Variants in MYLK4 observed in about 807,000 individuals in gnomAD.
The protein encoded by MYLK4 is caMLCK like.
MYLK4 carries 46 observed loss-of-function variants against 48.1 expected under a neutral mutation model. The ratio of observed to expected loss-of-function variants is 0.96; its 90% CI spans 0.75 to 1.22. The LOEUF (loss-of-function observed/expected upper bound fraction) is 1.22, where lower values mean the gene tolerates loss of function less well. Among genes scored for constraint, MYLK4 ranks in the 50% most tolerant of loss-of-function variants. MYLK4 has a pLI of 0.00. For synonymous variants in MYLK4, 170 were observed against 180.8 expected (o/e 0.94, Z 0.48); for missense variants, 451 against 486.1 (o/e 0.93, Z 0.68).
chr6:2,680,870 G>T (rs1235111772), intron 7 of MYLK4, among the ~76,000 whole-genome samples: 1 of 152,162 alleles, frequency 6.6e-6, no homozygotes, highest in Non-Finnish European at 1.5e-5. Context: ...GTTTTGCTGA[G>T]TTTGGTCTCA....
At chr6:2,711,505 T>C (rs1259958625) in intron 2 of MYLK4, among the ~76,000 whole-genome samples, 1 of 152,230 alleles carries the variant, frequency 6.6e-6, no homozygotes, top group Non-Finnish European at 1.5e-5. Flanking sequence ...TGCCTATGGC[T>C]CAATAAAGAT....
chr6:2,762,935 A>C, the MYLK4 span, among the ~76,000 whole-genome samples: 5 of 152,320 alleles, frequency 3.3e-5, no homozygotes, highest in East Asian at 7.7e-4. Context: ...CCACTCATTA[A>C]GACAATTCAG....
In MYLK4 at chr6:2,703,762, C is replaced by T. The variant is rs552103172; in HGVS notation, c.160-10903G>A. Reference sequence around the variant, plus strand: ...TTCGGCTCACTGCAAACTCCGCCTCCGGGGTTCAAGCGATTCTCCTGCCTC... The same window carrying T: ...TTCGGCTCACTGCAAACTCCGCCTCTGGGGTTCAAGCGATTCTCCTGCCTC... On this transcript the variant is annotated intron_variant, in intron 2 of 12. Transcript: ENST00000274643. 1.2e-3 allele frequency among the ~76,000 whole-genome samples: 184 copies of T among 150,986 alleles called. 2 individuals carry two copies. The highest frequency in any genetic ancestry group is 4.1e-3 in the African/African-American group (170 of 41,094).
chr6:2,686,392 A>G (rs11970211), intron 4 of MYLK4, among the ~76,000 whole-genome samples: 1 of 152,252 alleles, frequency 6.6e-6, no homozygotes, highest in African/African-American at 2.4e-5. Context: ...TCAAGACTGC[A>G]TATTGCCAAG....
chr6:2,698,554 T>A (rs1223038282), intron 2 of MYLK4, among the ~76,000 whole-genome samples: 2 of 152,196 alleles, frequency 1.3e-5, no homozygotes, highest in African/African-American at 4.8e-5. Context: ...AATGCCAAGA[T>A]GAACAATTTT....
chr6:2,707,024 C>T (rs747490838), intron 2 of MYLK4, among the ~76,000 whole-genome samples: 3 of 152,174 alleles, frequency 2.0e-5, no homozygotes, highest in Admixed American at 6.5e-5. Flanking sequence ...TCTTTGTGAA[C>T]GTCCACTTGC....
At chr6:2,770,253 A>T in the MYLK4 span, 1 of 1,614,164 alleles carries the variant, frequency 6.2e-7, no homozygotes, top group South Asian at 1.1e-5. Flanking sequence ...CTTCCAGTAG[A>T]GGCAATGGTG....
At chr6:2,716,095 T>C (rs184980628) in intron 2 of MYLK4, among the ~76,000 whole-genome samples, 4 of 152,340 alleles carry the variant, frequency 2.6e-5, no homozygotes, top group Admixed American at 2.0e-4. Context: ...AATCCTTTAA[T>C]GAGTCTGAAC....
intron 2 of MYLK4, among the ~76,000 whole-genome samples, chr6:2,737,988 G>GGGC (rs1763754283): frequency 8.8e-6 from 1 of 113,638 alleles, no homozygotes; most frequent in Non-Finnish European, 1.8e-5. Flanking sequence ...GGGTGGGGGG[G>GGGC]GGGTGGTCAA....
chr6:2,767,647 G>A, the MYLK4 span, among the ~76,000 whole-genome samples: 1 of 152,246 alleles, frequency 6.6e-6, no homozygotes, highest in Admixed American at 6.5e-5. Context: ...GGATTGAGCA[G>A]TATCATTCTT....
At position 2,709,511 on chromosome 6, in the gene MYLK4, A is replaced by G. The variant is rs571809644; in HGVS notation, c.160-16652T>C. 6.6e-5 allele frequency among the ~76,000 whole-genome samples: 10 copies of G among 152,366 alleles called. No individual in the cohort carries two copies. In the South Asian group the frequency reaches 2.1e-3, roughly 32 times the overall value. ...TCACCACCTTAGAATTCAGGGCCACAGCAAGCCCCAGGACTGAGGTTCATG... is the reference window on the plus strand; with the variant it reads ...TCACCACCTTAGAATTCAGGGCCACGGCAAGCCCCAGGACTGAGGTTCATG... On this transcript the variant is annotated intron_variant, in intron 2 of 12. Coordinates refer to ENST00000274643, the MANE Select transcript of MYLK4 (RefSeq NM_001012418.5).
upstream of MYLK4, among the ~76,000 whole-genome samples, chr6:2,752,693 G>A (rs1387186937): frequency 6.6e-6 from 1 of 152,146 alleles, no homozygotes; most frequent in Non-Finnish European, 1.5e-5. Context: ...GGGGAGGGGT[G>A]TAGGCTGGAG....
chr6:2,754,588 A>G (rs1764379372), upstream of MYLK4, among the ~76,000 whole-genome samples: 1 of 152,238 alleles, frequency 6.6e-6, no homozygotes, highest in South Asian at 2.1e-4. Flanking sequence ...ATGACTGTAC[A>G]ACTCATTCAG....
chr6:2,767,366 C>T, the MYLK4 span, among the ~76,000 whole-genome samples: 1 of 152,208 alleles, frequency 6.6e-6, no homozygotes. Flanking sequence ...GTAAAGAGTT[C>T]TTGTAGCTTT....
At chr6:2,744,122 C>T (rs1763988851) in intron 2 of MYLK4, 2 of 353,790 alleles carry the variant, frequency 5.7e-6, no homozygotes, top group Non-Finnish European at 9.6e-6. Flanking sequence ...AGCAGTGTCA[C>T]CCTTTGCTCT....
In MYLK4 at chr6:2,675,145, G is replaced by A. The variant is rs953108961; in HGVS notation, c.1041-20C>T. On this transcript the variant is annotated intron_variant, in intron 10 of 12. Coordinates refer to ENST00000274643, the MANE Select transcript of MYLK4 (RefSeq NM_001012418.5). ...CGCCAACTAGAAGGAAATTCAGAAG[G>A]TGATTAGTAGAAACACACCGAAGAA... 88 of 1,590,244 alleles carry A rather than the reference G, an allele frequency of 5.5e-5. No homozygotes were observed. Among genetic ancestry groups the A allele is most frequent in the Non-Finnish European group, 7.3e-5 (84 of 1,158,526 alleles).
At chr6:2,733,840 G>A (rs371527735) in intron 2 of MYLK4, among the ~76,000 whole-genome samples, 5 of 152,106 alleles carry the variant, frequency 3.3e-5, no homozygotes, top group Admixed American at 2.0e-4. Context: ...AGCTTCGCCC[G>A]CGGAGACGCT....
In MYLK4 at chr6:2,737,318, TAAC is replaced by T. The variant is rs547071750; in HGVS notation, c.159+11815_159+11817del. Among the ~76,000 whole-genome samples, 19 of 152,186 alleles carry T rather than the reference TAAC, an allele frequency of 1.2e-4. 1 individual carries two copies. The East Asian group carries it at 3.7e-3, about 29-fold the overall frequency. On this transcript the variant is annotated intron_variant, in intron 2 of 12. Coordinates refer to ENST00000274643, the MANE Select transcript of MYLK4 (RefSeq NM_001012418.5). ...CAGAGCGAGACGCCATCTCAGAAAA[TAAC>T]AAAAAATAACAATAAAACGATCCTA...
intron 2 of MYLK4, among the ~76,000 whole-genome samples, chr6:2,737,291 G>A (rs905661819): frequency 4.6e-5 from 7 of 152,234 alleles, no homozygotes; most frequent in Admixed American, 6.5e-5. Context: ...CCAGCCTGGC[G>A]ACAGAGCGAG....
Sources: allele counts gnomAD v4.1 joint callset (sites outside exome capture counted in the v4.1 genomes callset), GRCh38; gene constraint gnomAD v4.1.1; transcripts MANE v1.5; gene names NCBI Gene and HGNC (gene_info 2026-07-23, HGNC 2026-07-21).